The following ADARB2 variants were observed in gnomAD, a reference collection of about 807,000 sequenced individuals.
The protein encoded by ADARB2 is adenosine deaminase RNA specific B2 (inactive).
ADARB2 carries 25 observed loss-of-function variants against 62.2 expected under a neutral mutation model. That is an observed-to-expected ratio of 0.40 (90% CI 0.29 to 0.56). ADARB2 has a LOEUF of 0.56. Among genes scored for constraint, ADARB2 ranks in the 20% least tolerant of loss-of-function variants. The pLI, the probability that ADARB2 is intolerant of heterozygous loss-of-function variation, is 0.43. For synonymous variants in ADARB2, 572 were observed against 500.8 expected (o/e 1.14, Z -1.90); for missense variants, 1,071 against 1,077.4 (o/e 0.99, Z 0.08).
At chr10:1,437,910 T>C (rs1018674570) in intron 1 of ADARB2, among the ~76,000 whole-genome samples, 4 of 152,204 alleles carry the variant, frequency 2.6e-5, no homozygotes, top group African/African-American at 9.7e-5. Flanking sequence ...TCTGCTATCT[T>C]TAATCTTCAA....
At chr10:1,650,177 G>A (rs1217902170) in intron 1 of ADARB2, among the ~76,000 whole-genome samples, 3 of 152,226 alleles carry the variant, frequency 2.0e-5, no homozygotes, top group Non-Finnish European at 4.4e-5. Context: ...CTTTTCTGAA[G>A]CATAGATTAA....
At chr10:1,517,718 G>A (rs1375710744) in intron 1 of ADARB2, among the ~76,000 whole-genome samples, 1 of 152,148 alleles carries the variant, frequency 6.6e-6, no homozygotes, top group Non-Finnish European at 1.5e-5. Context: ...GACTGTGAGA[G>A]TCCATTTTCA....
intron 1 of ADARB2, among the ~76,000 whole-genome samples, chr10:1,538,957 G>A (rs984619450): frequency 1.1e-4 from 16 of 152,222 alleles, no homozygotes; most frequent in African/African-American, 3.6e-4. Context: ...GGGTCTCAGA[G>A]GGTGCAGGCG....
At chr10:1,377,303 GGT>G (rs1158344997) in intron 2 of ADARB2, among the ~76,000 whole-genome samples, 1 of 143,330 alleles carries the variant, frequency 7.0e-6, no homozygotes, top group Admixed American at 6.9e-5. Context: ...GTGCTCCTGG[GGT>G]GTGTGTGCAC....
intron 9 of ADARB2, among the ~76,000 whole-genome samples, chr10:1,184,387 C>T (rs940229623): frequency 1.1e-4 from 16 of 152,060 alleles, no homozygotes; most frequent in Non-Finnish European, 2.1e-4. Flanking sequence ...GAAATTTGCT[C>T]CTAATTGTGG....
chr10:1,205,048 C>T (rs1428424900), intron 7 of ADARB2, among the ~76,000 whole-genome samples: 2 of 152,168 alleles, frequency 1.3e-5, no homozygotes, highest in Non-Finnish European at 2.9e-5. Context: ...GGACTGGGTC[C>T]CCTGACCTCC....
At chr10:1,246,285 G>T (rs1830986040) in intron 4 of ADARB2, among the ~76,000 whole-genome samples, 1 of 150,510 alleles carries the variant, frequency 6.6e-6, no homozygotes, top group East Asian at 2.0e-4. Flanking sequence ...CATTCTGTAG[G>T]TTGCCTGTTC....
chr10:1,666,787 G>A (rs764677117), intron 1 of ADARB2, among the ~76,000 whole-genome samples: 1 of 152,184 alleles, frequency 6.6e-6, no homozygotes, highest in Non-Finnish European at 1.5e-5. Context: ...GAAAGACTCT[G>A]AGACTCGAGA....
chr10:1,645,359 A>G (rs1834026321), intron 1 of ADARB2, among the ~76,000 whole-genome samples: 1 of 152,254 alleles, frequency 6.6e-6, no homozygotes, highest in Admixed American at 6.5e-5. Flanking sequence ...GGACCAGGGT[A>G]GAGATGCATG....
At chr10:1,219,973 ATGGTGATGGTGG>A (rs1830670569) in intron 6 of ADARB2, among the ~76,000 whole-genome samples, 1 of 116,902 alleles carries the variant, frequency 8.6e-6, no homozygotes, top group Non-Finnish European at 1.8e-5. Context: ...GTGATGGATG[ATGGTGATGGTGG>A]TGATGATGGT....
At chr10:1,211,786 A>G (rs1250504768) in intron 7 of ADARB2, among the ~76,000 whole-genome samples, 1 of 152,264 alleles carries the variant, frequency 6.6e-6, no homozygotes, top group Non-Finnish European at 1.5e-5. Flanking sequence ...TTTCCACCAC[A>G]CAGATATAAG....
intron 6 of ADARB2, among the ~76,000 whole-genome samples, chr10:1,221,204 G>A (rs1830692316): frequency 6.6e-6 from 1 of 152,154 alleles, no homozygotes; most frequent in Non-Finnish European, 1.5e-5. Context: ...CAGTGAAAGT[G>A]TAGAACCTCA....
intron 1 of ADARB2, among the ~76,000 whole-genome samples, chr10:1,465,795 G>A (rs140518491): frequency 1.1e-4 from 16 of 152,310 alleles, no homozygotes; most frequent in African/African-American, 3.1e-4. Context: ...ACCCCCGCCC[G>A]AAGAGTGGTG....
chr10:1,649,787 T>C (rs1049533976), intron 1 of ADARB2, among the ~76,000 whole-genome samples: 1 of 152,202 alleles, frequency 6.6e-6, no homozygotes, highest in Non-Finnish European at 1.5e-5. Context: ...TTCAGCTGTA[T>C]CATCAGTAAG....
chr10:1,228,269 G>A (rs186878876), intron 6 of ADARB2, among the ~76,000 whole-genome samples: 3 of 152,312 alleles, frequency 2.0e-5, no homozygotes, highest in Admixed American at 1.3e-4. Context: ...TCAGAAAATG[G>A]CTGTAAGAAC....
At chr10:1,665,719 C>A (rs1398012075) in intron 1 of ADARB2, among the ~76,000 whole-genome samples, 2 of 152,226 alleles carry the variant, frequency 1.3e-5, no homozygotes, top group African/African-American at 4.8e-5. Context: ...ATGGCACAGG[C>A]CGGGGTCCGG....
intron 3 of ADARB2, among the ~76,000 whole-genome samples, chr10:1,330,733 G>GA (rs1167253192): frequency 5.9e-5 from 9 of 152,180 alleles, no homozygotes; most frequent in African/African-American, 2.2e-4. Context: ...GTCATGAAAA[G>GA]AAAAAATAGA....
chr10:1,316,578 A>T (rs1327426686), intron 3 of ADARB2, among the ~76,000 whole-genome samples: 2 of 152,198 alleles, frequency 1.3e-5, no homozygotes, highest in Non-Finnish European at 2.9e-5. Context: ...AGGATTGTTT[A>T]AAAAATGGTA....
At chr10:1,256,218 T>C (rs968189750) in intron 4 of ADARB2, among the ~76,000 whole-genome samples, 5 of 152,254 alleles carry the variant, frequency 3.3e-5, no homozygotes, top group Admixed American at 6.5e-5. Flanking sequence ...TCACTGGCTC[T>C]GCTGTGGAGA....
Sources: gnomAD v4.1 joint callset for allele counts (sites outside exome capture counted in the v4.1 genomes callset) on GRCh38, gnomAD v4.1.1 for gene constraint, MANE v1.5 for transcripts, NCBI Gene and HGNC (gene_info 2026-07-23, HGNC 2026-07-21) for gene names.